The following TFR2 variants were observed in gnomAD, a reference collection of about 807,000 sequenced individuals.
TFR2 encodes the protein transferrin receptor protein 2.
A neutral mutation model predicts 91.9 loss-of-function variants in TFR2; 64 were observed. The ratio of observed to expected loss-of-function variants is 0.70; its 90% CI spans 0.57 to 0.86. The LOEUF (loss-of-function observed/expected upper bound fraction) is 0.86, where lower values mean the gene tolerates loss of function less well. TFR2 is among the 40% of genes least tolerant of loss of function. The pLI is 0.00. For synonymous variants in TFR2, 454 were observed against 459.6 expected (o/e 0.99, Z 0.15); for missense variants, 950 against 1,080.5 (o/e 0.88, Z 1.69).
At position 100,628,053 on chromosome 7, in the gene TFR2, G is replaced by A; in HGVS notation, c.1537+20C>T. ...AGGGTGGACCCCAGGGGGCCAGGTG[G>A]TGGCACTGCCCCAGCTCACCCAGCA... On this transcript the variant is annotated intron_variant, in intron 12 of 17. Transcript: ENST00000223051. 1 of 1,614,108 alleles carries A rather than the reference G, an allele frequency of 6.2e-7. No individual in the cohort carries two copies. The highest frequency in any genetic ancestry group is 8.5e-7 in the Non-Finnish European group (1 of 1,179,986).
chr7:100,629,232 A>AGGCCCT lies in TFR2; in HGVS notation c.1390+15_1390+20dup, dbSNP rs1339252910. 7 of 1,612,946 alleles carry AGGCCCT rather than the reference A, an allele frequency of 4.3e-6. No individual in the cohort carries two copies. The South Asian group carries it at 6.6e-5, about 15-fold the overall frequency. ...GCCCACCGCTGCCTAGCCCAGGCCC[A>AGGCCCT]GGCCCTGGCCCTGACCTTACCGTTG... is the stretch of plus-strand genomic sequence containing the variant. On this transcript the variant is annotated intron_variant, in intron 10 of 17. Coordinates refer to ENST00000223051, the MANE Select transcript of TFR2 (RefSeq NM_003227.4).
intron 3 of TFR2, among the ~76,000 whole-genome samples, chr7:100,635,778 T>A (rs1803562395): frequency 6.6e-6 from 1 of 151,944 alleles, no homozygotes; most frequent in Non-Finnish European, 1.5e-5. Flanking sequence ...TATTATTATT[T>A]TTTTAAGAGA....
At chr7:100,622,613 G>A (rs1222792479) in intron 17 of TFR2, among the ~76,000 whole-genome samples, 2 of 152,170 alleles carry the variant, frequency 1.3e-5, no homozygotes, top group South Asian at 2.1e-4. Flanking sequence ...CAACCTCAGC[G>A]CTGGGGGAAG....
In TFR2 at chr7:100,641,175, G is replaced by A; in HGVS notation, c.87C>T (p.Pro29=). ...CTTCCTCCTCCAGGTGCCCTTTCCG[G>A]GGGCCTTCCACACGCTGGTAGACGG... ...SQTVYQRVEG[P]RKGHLEEEEE... is the part of the protein sequence containing the mutation. Residue 29 remains proline (P), a synonymous_variant, in exon 2 of 18, where the codon CCC becomes CCT. Coordinates refer to ENST00000223051, the MANE Select transcript of TFR2 (RefSeq NM_003227.4). 1 of 1,526,546 alleles carries A rather than the reference G, an allele frequency of 6.6e-7. No homozygotes were observed. The highest frequency in any genetic ancestry group is 8.8e-7 in the Non-Finnish European group (1 of 1,136,126). 94.6% of individuals were successfully genotyped at this position (1,526,546 alleles called of 1,614,324 possible).
chr7:100,641,102 TG>T lies in TFR2; in HGVS notation c.159del (p.Met54TrpfsTer3). ...EGAETLAHFC[P>X]MELRGPEPLG... ...AGGGGCTCAGGGCCCCTCAGCTCCA[TG>T]GGGCAGAAGTGGGCCAATGTCTCCG... On this transcript the variant is annotated frameshift_variant, in exon 2 of 18. Transcript: ENST00000223051. LOFTEE classifies it high-confidence loss of function. The T allele has an allele frequency of 6.3e-7, 1 of 1,595,908 alleles. No homozygotes were observed.
chr7:100,636,498 C>T (rs1315671559), intron 3 of TFR2, among the ~76,000 whole-genome samples: 1 of 152,004 alleles, frequency 6.6e-6, no homozygotes, highest in East Asian at 1.9e-4. Flanking sequence ...CTTGTCATTA[C>T]CCGCACTCCA....
Position 100,630,935 on chromosome 7 carries a change from G to C in TFR2, c.1224C>G (p.Thr408=), listed in dbSNP as rs1438781560. Residue 408 remains threonine, a synonymous_variant, in exon 9 of 18, where the codon ACC becomes ACG. Transcript: ENST00000223051. ...RLVVNNHRTS[T]PINNIFGCIE... ...TGCAGCCGAAGATGTTGTTGATGGG[G>C]GTGGAGGTCCTGTGATTGTTGACCA... 6.2e-7 allele frequency: 1 copy of C among 1,613,244 alleles called. No individual in the cohort carries two copies.
chr7:100,630,352 C>T (rs1300512496), intron 9 of TFR2, among the ~76,000 whole-genome samples: 1 of 151,962 alleles, frequency 6.6e-6, no homozygotes, highest in East Asian at 1.9e-4. Context: ...TGCAATGGCA[C>T]AATCTCGGCT....
intron 3 of TFR2, 139 bp downstream of exon 3, chr7:100,640,547 G>A: frequency 3.2e-6 from 3 of 944,186 alleles, no homozygotes; most frequent in Non-Finnish European, 4.7e-6. Flanking sequence ...CCGCTGAACA[G>A]GGGGGCCAGG....
chr7:100,631,739 C>G, intron 8 of TFR2, 67 bp downstream of exon 8: 2 of 1,573,058 alleles, frequency 1.3e-6, no homozygotes, highest in Non-Finnish European at 1.7e-6. Context: ...CCACAATCAC[C>G]CTGTGGCCTC....
At chr7:100,639,750 A>C (rs1443460698) in intron 3 of TFR2, 1 of 151,558 alleles carries the variant, frequency 6.6e-6, no homozygotes, top group Non-Finnish European at 1.5e-5. Flanking sequence ...CTGCACCCAC[A>C]AATGCATTTG....
Position 100,636,024 on chromosome 7 carries a change from T to G in TFR2, c.474-2468A>C, listed in dbSNP as rs184653360. 4.2e-3 allele frequency among the ~76,000 whole-genome samples: 634 copies of G among 152,280 alleles called. 3 individuals are homozygous for G. Among genetic ancestry groups the G allele is most frequent in the African/African-American group, 0.013 (525 of 41,572 alleles). ...CACCATGAGAACAAAGTTAGACTGT[T>G]TTAGTCTCTATCTCACCACCACCTG... is the stretch of plus-strand genomic sequence containing the variant. On this transcript the variant is annotated intron_variant, in intron 3 of 17. Transcript: ENST00000223051.
Position 100,628,294 on chromosome 7 carries a change from C to T in TFR2, c.1403G>A (p.Arg468His), listed in dbSNP as rs80338885. ...SSMVSNGFRPRRSLLFISWDG... is the reference protein window; with the variant it reads ...SSMVSNGFRPHRSLLFISWDG... ...CCAGCTGATGAAGAGGAGACTTCTG[C>T]GGGGCCGGAAGCCTGGGGACAGAGG... Residue 468 changes from arginine to histidine, a missense_variant, in exon 11 of 18, where the codon CGC becomes CAC. Arg to His is a conservative substitution (Grantham distance 29). Transcript: ENST00000223051. 1,255 of 1,613,794 alleles carry T rather than the reference C, an allele frequency of 7.8e-4. 4 individuals carry two copies. The highest frequency in any genetic ancestry group is 8.3e-4 in the Non-Finnish European group (984 of 1,179,864).
chr7:100,638,025 A>G (rs1052015064), intron 3 of TFR2, among the ~76,000 whole-genome samples: 2 of 148,170 alleles, frequency 1.3e-5, no homozygotes, highest in Admixed American at 1.3e-4. Context: ...TTTTTTTGAG[A>G]CAGAGTCTTG....
Position 100,641,105 on chromosome 7 carries a change from G to C in TFR2, c.157C>G (p.Pro53Ala). The change falls in exon 2 of 18, where the codon CCC becomes GCC. Residue 53 changes from proline (P) to alanine (A), a missense_variant. Transcript: ENST00000223051. ...EGAETLAHFCPMELRGPEPLG... is the reference protein window; with the variant it reads ...EGAETLAHFCAMELRGPEPLG... ...GGCTCAGGGCCCCTCAGCTCCATGG[G>C]GCAGAAGTGGGCCAATGTCTCCGCC... is the stretch of plus-strand genomic sequence containing the variant. The C allele has an allele frequency of 6.3e-7, 1 of 1,591,034 alleles. No homozygotes were observed. The highest frequency in any genetic ancestry group is 8.6e-7 in the Non-Finnish European group (1 of 1,168,300).
chr7:100,641,338 G>A, intron 1 of TFR2, 110 bp from the exon 2 acceptor site: 1 of 1,442,138 alleles, frequency 6.9e-7, no homozygotes, highest in Non-Finnish European at 9.4e-7. Context: ...CATGGTGGTG[G>A]GGGCGTGGGG....
chr7:100,628,077 C>T lies in TFR2; in HGVS notation c.1533G>A (p.Val511=). ...AVVYVSLDNA[V]LGDDKFHAKT... ...GGTGGCACTGCCCCAGCTCACCCAG[C>T]ACTGCGTTGTCCAGGCTCACGTACA... The change falls in exon 12 of 18, where the codon GTG becomes GTA. Residue 511 remains valine, a synonymous_variant. Coordinates refer to ENST00000223051, the MANE Select transcript of TFR2 (RefSeq NM_003227.4). 6.2e-7 allele frequency: 1 copy of T among 1,614,170 alleles called. No individual in the cohort carries two copies. Among genetic ancestry groups the T allele is most frequent in the South Asian group, 1.1e-5 (1 of 91,086 alleles).
Position 100,626,826 on chromosome 7 carries a change from C to A in TFR2, c.2073G>T (p.Glu691Asp). ...CGTCTCTCTCCTCCGAGCTGTAGATCTCCTGCCGCAGCTTTTCCGCCGCCC... is the reference window on the plus strand; with the variant it reads ...CGTCTCTCTCCTCCGAGCTGTAGATATCCTGCCGCAGCTTTTCCGCCGCCC... ...YIRAAEKLRQ[E>D]IYSSEERDER... is the part of the protein sequence containing the mutation. The change falls in exon 17 of 18, where the codon GAG (glutamate) becomes GAT (aspartate). Residue 691 changes from glutamate to aspartate, a missense_variant. Transcript: ENST00000223051. 6.5e-7 allele frequency: 1 copy of A among 1,549,620 alleles called. No homozygotes were observed. Among genetic ancestry groups the A allele is most frequent in the Non-Finnish European group, 8.7e-7 (1 of 1,146,964 alleles).
intron 16 of TFR2, 112 bp from the exon 17 acceptor site, chr7:100,627,015 C>T: frequency 9.2e-7 from 1 of 1,090,888 alleles, no homozygotes; most frequent in Non-Finnish European, 1.3e-6. Context: ...CCCCTGGCCG[C>T]AGGAGGGAGG....
Sources: allele counts gnomAD v4.1 joint callset (sites outside exome capture counted in the v4.1 genomes callset), GRCh38; gene constraint gnomAD v4.1.1; transcripts MANE v1.5; gene names NCBI Gene and HGNC (gene_info 2026-07-23, HGNC 2026-07-21).